Variants in RCAN3 observed in about 807,000 individuals in gnomAD.
RCAN3 encodes regulator of calcineurin 3.
A neutral mutation model predicts 21.9 loss-of-function variants in RCAN3; 19 were observed. That is an observed-to-expected ratio of 0.87 (90% confidence interval 0.61 to 1.27). RCAN3 has a LOEUF of 1.27. Ranked by LOEUF, RCAN3 falls within the 50% of genes most tolerant of loss-of-function variation. The pLI, the probability that RCAN3 is intolerant of heterozygous loss-of-function variation, is 0.00. For synonymous variants in RCAN3, 114 were observed against 112.3 expected (o/e 1.01, Z -0.09); for missense variants, 240 against 300.1 (o/e 0.80, Z 1.48).
Position 24,514,563 on chromosome 1 carries a change from A to G in RCAN3, c.191A>G (p.Gln64Arg). Residue 64 changes from glutamine to arginine, a missense_variant, in exon 2 of 5, where the codon CAG becomes CGG. Transcript: ENST00000374395. ...GAAGCAGTGTTTGAGGCACGAGAGCAGAAGGTAGGCATCTATCCTCCCTTT... is the reference window on the plus strand; with the variant it reads ...GAAGCAGTGTTTGAGGCACGAGAGCGGAAGGTAGGCATCTATCCTCCCTTT... The part of the protein sequence containing the change: ...VHEAVFEARE[Q>R]KERFEALFTI... 1 of 1,613,318 alleles carries G rather than the reference A, an allele frequency of 6.2e-7. No homozygotes were observed. Among genetic ancestry groups the G allele is most frequent in the Non-Finnish European group, 8.5e-7 (1 of 1,179,548 alleles).
chr1:24,510,872 C>T (rs1352895468), intron 1 of RCAN3, among the ~76,000 whole-genome samples: 1 of 152,166 alleles, frequency 6.6e-6, no homozygotes, highest in Non-Finnish European at 1.5e-5. Context: ...CTTCCTTTCA[C>T]TTGAACACTT....
At chr1:24,503,881 G>A (rs994451213) in intron 1 of RCAN3, among the ~76,000 whole-genome samples, 52 of 152,210 alleles carry the variant, frequency 3.4e-4, no homozygotes, top group Non-Finnish European at 2.1e-4. Context: ...AGTCTCTGAT[G>A]TACTATTTGG....
rs11231 is a variant in RCAN3, at chr1:24,536,795, C to T, written c.*1518C>T. The T allele has an allele frequency of 0.14, 21,725 of 151,454 alleles. 1,644 individuals carry two copies. The highest frequency in any genetic ancestry group is 0.18 in the African/African-American group (7,422 of 40,864). 9.4% of individuals were successfully genotyped at this position (151,454 alleles called of 1,614,324 possible). On this transcript the variant is annotated 3_prime_UTR_variant, in exon 5 of 5. Coordinates refer to ENST00000374395, the MANE Select transcript of RCAN3 (RefSeq NM_013441.4). Reference sequence around the variant, plus strand: ...TAAAATTTATTTCTGAGCACTTAAACTGTGTTGCATACCCCTAATTTTTTT... The same window carrying T: ...TAAAATTTATTTCTGAGCACTTAAATTGTGTTGCATACCCCTAATTTTTTT...
chr1:24,523,952 G>C (rs1034486165), intron 2 of RCAN3, among the ~76,000 whole-genome samples: 1 of 152,104 alleles, frequency 6.6e-6, no homozygotes, highest in Non-Finnish European at 1.5e-5. Flanking sequence ...TTGGCCAGGC[G>C]TGGTGGCACA....
At position 24,514,704 on chromosome 1, in the gene RCAN3, C is replaced by A. The variant is rs1648154508; in HGVS notation, c.195+137C>A. On this transcript the variant is annotated intron_variant, in intron 2 of 4. Transcript: ENST00000374395. ...CACTTTTAGGCCGGGCGCATTGGCT[C>A]ACACCTGTAATCCCAGCACTTTGGG... 7.4e-6 allele frequency: 6 copies of A among 809,208 alleles called. No individual in the cohort carries two copies. The South Asian group carries it at 1.1e-4, about 15-fold the overall frequency. 50.1% of individuals were successfully genotyped at this position (809,208 alleles called of 1,614,324 possible).
intron 1 of RCAN3, among the ~76,000 whole-genome samples, chr1:24,513,223 C>G (rs902686660): frequency 6.6e-6 from 1 of 151,752 alleles, no homozygotes; most frequent in Non-Finnish European, 1.5e-5. Flanking sequence ...GGTGACAGAG[C>G]GAGACTCTGT....
intron 2 of RCAN3, among the ~76,000 whole-genome samples, chr1:24,526,284 G>A (rs1649259855): frequency 6.6e-6 from 1 of 152,106 alleles, no homozygotes; most frequent in Admixed American, 6.6e-5. Context: ...TAGAGATGGG[G>A]TCTTGCAGTG....
intron 4 of RCAN3, 35 bp from the exon 5 acceptor site, chr1:24,535,058 T>G: frequency 1.3e-6 from 2 of 1,580,482 alleles, no homozygotes; most frequent in South Asian, 2.4e-5. Context: ...CTGGAAGTGA[T>G]GCTTTTGTCA....
intron 1 of RCAN3, among the ~76,000 whole-genome samples, chr1:24,508,935 T>C (rs1233596722): frequency 6.6e-6 from 1 of 151,978 alleles, no homozygotes; most frequent in Non-Finnish European, 1.5e-5. Context: ...CTGAGGCGAG[T>C]GGATCACTTG....
chr1:24,518,375 A>C (rs969525523), intron 2 of RCAN3, among the ~76,000 whole-genome samples: 1 of 152,226 alleles, frequency 6.6e-6, no homozygotes, highest in Non-Finnish European at 1.5e-5. Flanking sequence ...AAATCATAGA[A>C]AAATAAACTG....
At position 24,502,912 on chromosome 1, in the gene RCAN3, G is replaced by A. The variant is rs962678194; in HGVS notation, c.-298G>A. ...GGGACACCGCCCTAGTCCCAGCCCA[G>A]GGGGCCGCTCTCGCCGGCGTCGAGG... On this transcript the variant is annotated 5_prime_UTR_variant, in exon 1 of 5. Coordinates refer to ENST00000374395, the MANE Select transcript of RCAN3 (RefSeq NM_013441.4). 1 of 150,122 alleles carries A rather than the reference G, an allele frequency of 6.7e-6. No individual in the cohort carries two copies. Among genetic ancestry groups the A allele is most frequent in the Non-Finnish European group, 1.5e-5 (1 of 67,230 alleles). The allele number at this position is 150,122 out of a possible 1,614,324, so 9.3% of individuals were successfully genotyped here.
rs1649219482 is a variant in RCAN3, at chr1:24,525,947, C to G, written c.196-5271C>G. 1.3e-5 allele frequency among the ~76,000 whole-genome samples: 2 copies of G among 152,134 alleles called. No homozygotes were observed. The highest frequency in any genetic ancestry group is 2.9e-5 in the Non-Finnish European group (2 of 68,036). The stretch of plus-strand genomic sequence containing the variant: ...GCCTCCAAGTTAATTCTTCATGCTT[C>G]CAAAGCACCTCACAGCTAGAATTCA... On this transcript the variant is annotated intron_variant, in intron 2 of 4. Transcript: ENST00000374395. This position sits in a 1 kb window ranked among gnomAD's most constrained non-coding sequence, Gnocchi z 4.1.
intron 4 of RCAN3, 62 bp from the exon 5 acceptor site, chr1:24,535,031 C>T (rs1397687406): frequency 1.3e-5 from 20 of 1,547,394 alleles, no homozygotes; most frequent in Non-Finnish European, 1.7e-5. Flanking sequence ...TTGCAAGGGA[C>T]AAAAGAGTTC....
At chr1:24,503,335 C>T (rs1647225786) in intron 1 of RCAN3, among the ~76,000 whole-genome samples, 185 bp downstream of exon 1, 1 of 152,016 alleles carries the variant, frequency 6.6e-6, no homozygotes, top group Non-Finnish European at 1.5e-5. Context: ...CGCCTCCCGC[C>T]GCACCCTTCT....
At chr1:24,526,572 C>A (rs569495992) in intron 2 of RCAN3, among the ~76,000 whole-genome samples, 2 of 152,216 alleles carry the variant, frequency 1.3e-5, no homozygotes, top group South Asian at 4.1e-4. Flanking sequence ...TCATACGATG[C>A]GTTGGTACTA....
chr1:24,526,568 G>A lies in RCAN3; in HGVS notation c.196-4650G>A, dbSNP rs12095352. ...GTTTGCAAGATAGCTTCTGTCATAC[G>A]ATGCGTTGGTACTAGGAAGAATTCG... On this transcript the variant is annotated intron_variant, in intron 2 of 4. Coordinates refer to ENST00000374395, the MANE Select transcript of RCAN3 (RefSeq NM_013441.4). 1.8e-3 allele frequency among the ~76,000 whole-genome samples: 275 copies of A among 152,280 alleles called. 1 individual carries two copies. Among genetic ancestry groups the A allele is most frequent in the African/African-American group, 4.8e-3 (198 of 41,564 alleles).
intron 2 of RCAN3, among the ~76,000 whole-genome samples, chr1:24,530,723 G>A (rs1429175057): frequency 6.6e-6 from 1 of 152,080 alleles, no homozygotes; most frequent in Non-Finnish European, 1.5e-5. Flanking sequence ...TTTAAAATAA[G>A]TGCACGACCC....
intron 2 of RCAN3, among the ~76,000 whole-genome samples, chr1:24,527,294 C>T (rs913504246): frequency 6.6e-6 from 1 of 152,096 alleles, no homozygotes; most frequent in African/African-American, 2.4e-5. Context: ...TGAGCTACCG[C>T]GCATGGCTTT....
At chr1:24,513,195 C>T (rs775337206) in intron 1 of RCAN3, among the ~76,000 whole-genome samples, 2 of 152,066 alleles carry the variant, frequency 1.3e-5, no homozygotes, top group Non-Finnish European at 2.9e-5. Context: ...CGAGATTGTG[C>T]CACTGCACTC....
Sources: gnomAD v4.1 joint callset for allele counts (sites outside exome capture counted in the v4.1 genomes callset) on GRCh38, gnomAD v4.1.1 for gene constraint, Gnocchi (gnomAD v3.1) non-coding constraint, MANE v1.5 for transcripts, NCBI Gene and HGNC (gene_info 2026-07-23, HGNC 2026-07-21) for gene names.